Variants in AGRN observed in about 807,000 individuals in gnomAD.
The protein encoded by AGRN is agrin.
AGRN carries 106 observed loss-of-function variants against 211.0 expected under a neutral mutation model. The observed-to-expected ratio is 0.50, with a 90% CI of 0.43 to 0.59. The LOEUF is 0.59. Ranked by LOEUF, AGRN falls within the 20% of genes least tolerant of loss-of-function variation. AGRN has a pLI of 0.00. For missense variants in AGRN, 3,040 were observed against 2,982.6 expected, an observed-to-expected ratio of 1.02 and a Z score of -0.45; for synonymous variants, 1,525 against 1,332.5, an observed-to-expected ratio of 1.14 and a Z score of -3.15.
chr1:1,035,246 G>A (rs371045798), intron 2 of AGRN, 31 bp from the exon 3 acceptor site: 3 of 1,612,342 alleles, frequency 1.9e-6, no homozygotes, highest in African/African-American at 1.3e-5. Flanking sequence ...CTGCTCAGAG[G>A]AGCCTAACTT....
chr1:1,044,500 TG>T, intron 12 of AGRN, 61 bp downstream of exon 12: 1 of 1,516,922 alleles, frequency 6.6e-7, no homozygotes, highest in Non-Finnish European at 9.0e-7. Flanking sequence ...TTTCCGTGTC[TG>T]GATGTGGGCG....
In AGRN at chr1:1,048,165, C is replaced by G. The variant is rs745898927; in HGVS notation, c.3905C>G (p.Thr1302Arg). 6.3e-7 allele frequency: 1 copy of G among 1,579,528 alleles called. No individual in the cohort carries two copies. Among genetic ancestry groups the G allele is most frequent in the Non-Finnish European group, 8.6e-7 (1 of 1,169,086 alleles). The change falls in exon 23 of 36, where the codon ACG becomes AGG. Residue 1302 changes from threonine to arginine, a missense_variant. Coordinates refer to ENST00000379370, the MANE Select transcript of AGRN (RefSeq NM_198576.4). The surrounding 1 kb of genome is among the most constrained non-coding windows in gnomAD (Gnocchi z 5.9). ...ACAAGCCAGCCCGTTGCCAAGACCA[C>G]GGCAGCCCCCACCACACGTCGGCCC... ...SHTSQPVAKT[T>R]AAPTTRRPPT...
At position 1,040,756 on chromosome 1, in the gene AGRN, G is replaced by T. The variant is rs113184997; in HGVS notation, c.603G>T (p.Pro201=). The change falls in exon 4 of 36, where the codon CCG becomes CCT. Residue 201 remains proline, a synonymous_variant. Transcript: ENST00000379370. Reference sequence around the variant, plus strand: ...CGTCCTGCGTCTGCAAGAAGAGCCCGTGCCCCAGCGTGGTGGCGCCTGTGT... The same window carrying T: ...CGTCCTGCGTCTGCAAGAAGAGCCCTTGCCCCAGCGTGGTGGCGCCTGTGT... The part of the protein sequence containing the change: ...GRASCVCKKS[P]CPSVVAPVCG... 13 of 1,542,596 alleles carry T rather than the reference G, an allele frequency of 8.4e-6. No homozygotes were observed. The highest frequency in any genetic ancestry group is 8.2e-5 in the African/African-American group (6 of 72,926).
chr1:1,038,888 G>A (rs1225602692), intron 3 of AGRN, among the ~76,000 whole-genome samples: 1 of 152,210 alleles, frequency 6.6e-6, no homozygotes, highest in African/African-American at 2.4e-5. Context: ...GAAGTGAAAG[G>A]GCCAGGGGTG....
At chr1:1,049,489 C>T (rs777743887) in intron 25 of AGRN, 38 bp downstream of exon 25, 2 of 1,599,954 alleles carry the variant, frequency 1.3e-6, no homozygotes, top group East Asian at 4.5e-5. Flanking sequence ...CCGACCCCGG[C>T]CCTTTGGGGT....
Position 1,054,896 on chromosome 1 carries a change from G to A in AGRN, c.6053G>A (p.Arg2018Gln), listed in dbSNP as rs766936338. Residue 2018 changes from arginine to glutamine, a missense_variant, in exon 36 of 36, where the codon CGG (arginine) becomes CAG (glutamine). Physicochemically the swap from Arg to Gln is conservative, Grantham distance 43 (BLOSUM62 1). Transcript: ENST00000379370. ...AYGTGFVGCL[R>Q]DVVVGRHPLH... ...GGCACAGGCTTTGTGGGCTGCTTGC[G>A]GGACGTGGTGGTGGGCCGGCACCCG... 1.4e-5 allele frequency: 22 copies of A among 1,551,440 alleles called. No homozygotes were observed. Among genetic ancestry groups the A allele is most frequent in the South Asian group, 5.9e-5 (5 of 84,192 alleles).
rs202069635 is a variant in AGRN at position 1,049,903 on chromosome 1, G to C, written c.4745G>C (p.Gly1582Ala). ...CCCGGTCCCGTCTTCCTCCATCCAG[G>C]ACCAACCTGTGCCGATGAGAAGAGC... ...FHCQCPPGRV[G>A]PTCADEKSPC... The change falls in exon 27 of 36, where the codon GGA (glycine) becomes GCA (alanine). Residue 1582 changes from glycine to alanine, a missense_variant and splice_region_variant. Coordinates refer to ENST00000379370, the MANE Select transcript of AGRN (RefSeq NM_198576.4). The C allele has an allele frequency of 9.3e-6, 15 of 1,610,518 alleles. No homozygotes were observed. Among genetic ancestry groups the C allele is most frequent in the Admixed American group, 1.7e-5 (1 of 59,862 alleles).
At position 1,046,048 on chromosome 1, in the gene AGRN, T is replaced by A. The variant is rs371994118; in HGVS notation, c.2765T>A (p.Val922Asp). The change falls in exon 16 of 36, where the codon GTC becomes GAC. Residue 922 changes from valine (V) to aspartate (D), a missense_variant. Around this residue, in one of 3 missense-constraint regions of AGRN, gnomAD observed 1,498 missense variants for 1,457.8 expected, o/e 1.03. Coordinates refer to ENST00000379370, the MANE Select transcript of AGRN (RefSeq NM_198576.4). Reference sequence around the variant, plus strand: ...GAGGAGTCTGGCTCAGCCCACTGTGTCTGCCCGATGCTCACCTGTCCAGAG... The same window carrying A: ...GAGGAGTCTGGCTCAGCCCACTGTGACTGCCCGATGCTCACCTGTCCAGAG... ...CVEESGSAHC[V>D]CPMLTCPEAN... 1 of 1,614,030 alleles carries A rather than the reference T, an allele frequency of 6.2e-7. No homozygotes were observed. The highest frequency in any genetic ancestry group is 8.5e-7 in the Non-Finnish European group (1 of 1,180,000).
chr1:1,020,397 T>C (rs1347045851), intron 1 of AGRN, 24 bp downstream of exon 1: 4 of 1,486,706 alleles, frequency 2.7e-6, no homozygotes, highest in Non-Finnish European at 9.0e-7. Context: ...GACCCCGGCC[T>C]CCCCTCGCGA....
rs1209669539 is a variant in AGRN, at chr1:1,047,816, C to G, written c.3672C>G (p.Leu1224=). 1.8e-5 allele frequency: 29 copies of G among 1,603,338 alleles called. No individual in the cohort carries two copies. Among genetic ancestry groups the G allele is most frequent in the Non-Finnish European group, 2.5e-5 (29 of 1,175,566 alleles). ...CACCCGACGTGGCCCGGGCCCTGCTCCGGCAGATCCAGGTGTCCAGGCGCC... is the reference window on the plus strand; with the variant it reads ...CACCCGACGTGGCCCGGGCCCTGCTGCGGCAGATCCAGGTGTCCAGGCGCC... The part of the protein sequence containing the change: ...FRAPDVARAL[L]RQIQVSRRRS... The change falls in exon 22 of 36, where the codon CTC becomes CTG. Residue 1224 remains leucine (L), a synonymous_variant. Coordinates refer to ENST00000379370, the MANE Select transcript of AGRN (RefSeq NM_198576.4).
In AGRN at chr1:1,047,789, G is replaced by A. The variant is rs2100665696; in HGVS notation, c.3645G>A (p.Arg1215=). ...CCTCCTCCCCAGCCACAGCCTTCAGGGCACCCGACGTGGCCCGGGCCCTGC... is the reference window on the plus strand; with the variant it reads ...CCTCCTCCCCAGCCACAGCCTTCAGAGCACCCGACGTGGCCCGGGCCCTGC... The part of the protein sequence containing the change: ...DVHFDPTTAF[R]APDVARALLR... Residue 1215 remains arginine, a synonymous_variant, in exon 22 of 36, where the codon AGG becomes AGA. Coordinates refer to ENST00000379370, the MANE Select transcript of AGRN (RefSeq NM_198576.4). 1 of 1,606,322 alleles carries A rather than the reference G, an allele frequency of 6.2e-7. No individual in the cohort carries two copies. Among genetic ancestry groups the A allele is most frequent in the Non-Finnish European group, 8.5e-7 (1 of 1,176,940 alleles).
At chr1:1,023,601 G>C (rs930034156) in intron 2 of AGRN, among the ~76,000 whole-genome samples, 1 of 152,154 alleles carries the variant, frequency 6.6e-6, no homozygotes, top group African/African-American at 2.4e-5. Context: ...GGAGAAGGGG[G>C]TTAGGGCGAG....
chr1:1,033,732 C>T (rs1307561802), intron 2 of AGRN, among the ~76,000 whole-genome samples: 1 of 136,882 alleles, frequency 7.3e-6, no homozygotes, highest in South Asian at 2.5e-4. Flanking sequence ...CACCTTCAGG[C>T]CCACCCTCGG....
intron 33 of AGRN, chr1:1,052,519 G>GTA (rs1360214907): frequency 8.0e-6 from 2 of 249,810 alleles, no homozygotes; most frequent in Non-Finnish European, 7.9e-6. Flanking sequence ...GTGTCCGTGT[G>GTA]TGTGTGTGTG....
chr1:1,021,485 C>T (rs549174635), intron 1 of AGRN, among the ~76,000 whole-genome samples: 15 of 152,362 alleles, frequency 9.8e-5, no homozygotes, highest in African/African-American at 2.9e-4. Context: ...TCCCCCCATC[C>T]GGCAGCCCCA....
rs200642681 is a variant in AGRN, at chr1:1,046,014, C to T, written c.2731C>T (p.Arg911Trp). Reference protein sequence around the residue: ...CAEMRCEFGARCVEESGSAHC... With the variant: ...CAEMRCEFGAWCVEESGSAHC... ...GGAGATGCGCTGTGAGTTCGGTGCG[C>T]GGTGCGTGGAGGAGTCTGGCTCAGC... is the stretch of plus-strand genomic sequence containing the variant. The change falls in exon 16 of 36, where the codon CGG becomes TGG. Residue 911 changes from arginine to tryptophan, a missense_variant. This residue lies in a region of AGRN where 1,498 missense variants were observed against 1,457.8 expected (regional missense o/e 1.03). Transcript: ENST00000379370. The T allele has an allele frequency of 1.1e-5, 17 of 1,613,858 alleles. No homozygotes were observed. The highest frequency in any genetic ancestry group is 6.7e-5 in the African/African-American group (5 of 74,922).
chr1:1,043,180 G>A (rs1343345373), intron 7 of AGRN, 59 bp from the exon 8 acceptor site: 1 of 1,538,866 alleles, frequency 6.5e-7, no homozygotes, highest in Non-Finnish European at 8.8e-7. Flanking sequence ...GGGGCTGGGG[G>A]CTTTGCCTGC....
At chr1:1,021,044 TCTC>T (rs957349934) in intron 1 of AGRN, among the ~76,000 whole-genome samples, 2 of 151,950 alleles carry the variant, frequency 1.3e-5, no homozygotes, top group East Asian at 1.9e-4. Flanking sequence ...CCCACCATCT[TCTC>T]CTAGTAGGGG....
At chr1:1,034,322 C>T in intron 2 of AGRN, 1 of 985,488 alleles carries the variant, frequency 1.0e-6, no homozygotes, top group African/African-American at 1.7e-5. Context: ...TCGGAGCCCA[C>T]ATTTGGGATT....
Sources: allele counts gnomAD v4.1 joint callset (sites outside exome capture counted in the v4.1 genomes callset), GRCh38; gene constraint gnomAD v4.1.1; regional missense constraint gnomAD v4.1.1; non-coding constraint Gnocchi (gnomAD v3.1); transcripts MANE v1.5; gene names NCBI Gene and HGNC (gene_info 2026-07-23, HGNC 2026-07-21).